LRRC8D: variants seen among roughly 807,000 people sequenced by gnomAD.
The protein encoded by LRRC8D is volume-regulated anion channel subunit LRRC8D.
In LRRC8D, 20 loss-of-function variants were observed where a neutral mutation model predicts 55.8. The ratio of observed to expected loss-of-function variants is 0.36; its 90% CI spans 0.25 to 0.52. LRRC8D has a LOEUF of 0.52. Ranked by LOEUF, LRRC8D falls within the 20% of genes least tolerant of loss-of-function variation. The pLI is 0.93. For missense variants in LRRC8D, 651 were observed against 1,030.8 expected (o/e 0.63, Z 5.05); for synonymous variants, 352 against 377.0 (o/e 0.93, Z 0.77).
At chr1:89,906,354 G>A (rs2816850) in intron 2 of LRRC8D, among the ~76,000 whole-genome samples, 1 of 152,120 alleles carries the variant, frequency 6.6e-6, no homozygotes, top group East Asian at 1.9e-4. Flanking sequence ...CTCGAGCATC[G>A]CTGTAGAGCC....
In LRRC8D at chr1:89,824,622, C is replaced by G. The variant is rs530893762; in HGVS notation, c.-148+3331C>G. On this transcript the variant is annotated intron_variant, in intron 1 of 2. Transcript: ENST00000337338. Reference sequence around the variant, plus strand: ...AATTTTTTTTTCCAATGATTTTCTTCTTTTGGAGCTGCCTACTCTCTTTGA... The same window carrying G: ...AATTTTTTTTTCCAATGATTTTCTTGTTTTGGAGCTGCCTACTCTCTTTGA... Among the ~76,000 whole-genome samples, 15 of 152,038 alleles carry G rather than the reference C, an allele frequency of 9.9e-5. No homozygotes were observed. The South Asian group carries it at 3.1e-3, about 32-fold the overall frequency.
intron 2 of LRRC8D, among the ~76,000 whole-genome samples, chr1:89,855,154 G>A (rs1057359069): frequency 6.6e-6 from 1 of 152,144 alleles, no homozygotes; most frequent in African/African-American, 2.4e-5. Flanking sequence ...AACAGTTGGA[G>A]AAGGATAAGT....
At chr1:89,830,424 C>CT (rs1195912936) in intron 1 of LRRC8D, among the ~76,000 whole-genome samples, 42 of 152,294 alleles carry the variant, frequency 2.8e-4, no homozygotes, top group Middle Eastern at 6.8e-3. Context: ...AATAGTTTCT[C>CT]TTTCACCTGT....
chr1:89,912,300 A>G (rs1663152263), intron 2 of LRRC8D, among the ~76,000 whole-genome samples: 1 of 152,130 alleles, frequency 6.6e-6, no homozygotes, highest in African/African-American at 2.4e-5. Context: ...AAAACCCTTC[A>G]GGGGTTCCTT....
intron 2 of LRRC8D, among the ~76,000 whole-genome samples, chr1:89,912,735 A>G (rs916786722): frequency 1.3e-5 from 2 of 152,232 alleles, no homozygotes; most frequent in Non-Finnish European, 2.9e-5. Context: ...ATAAATTACA[A>G]TATATTGTTC....
intron 2 of LRRC8D, among the ~76,000 whole-genome samples, chr1:89,890,187 C>CAATAAATA (rs142628723): frequency 9.9e-5 from 15 of 151,638 alleles, no homozygotes; most frequent in African/African-American, 3.6e-4. Context: ...GACTCTGTCT[C>CAATAAATA]AATAAATAAA....
intron 1 of LRRC8D, among the ~76,000 whole-genome samples, chr1:89,842,257 C>T (rs929312618): frequency 2.0e-5 from 3 of 150,012 alleles, no homozygotes; most frequent in African/African-American, 4.9e-5. Flanking sequence ...TGTAGGAATT[C>T]GCAGTGTAGG....
In LRRC8D at chr1:89,873,826, C is replaced by T. The variant is rs148417618; in HGVS notation, c.-3+30044C>T. 8.4e-3 allele frequency among the ~76,000 whole-genome samples: 1,284 copies of T among 152,212 alleles called. 15 individuals carry two copies. Among genetic ancestry groups the T allele is most frequent in the African/African-American group, 0.03 (1,246 of 41,532 alleles). ...CCATATCATAGCAAATTTAGAGTGC[C>T]GTTTGATAATGAACGACCTAGTAGG... On this transcript the variant is annotated intron_variant, in intron 2 of 2. Transcript: ENST00000337338.
intron 2 of LRRC8D, among the ~76,000 whole-genome samples, chr1:89,884,930 C>T (rs1662375132): frequency 6.6e-6 from 1 of 152,164 alleles, no homozygotes; most frequent in African/African-American, 2.4e-5. Context: ...CTTTCTACCT[C>T]AGTCCCACTG....
At chr1:89,932,965 C>T in intron 2 of LRRC8D, 102 bp from the exon 3 acceptor site, 2 of 939,926 alleles carry the variant, frequency 2.1e-6, no homozygotes, top group East Asian at 2.5e-5. Context: ...AAGATAGGAC[C>T]TGAATGAGAA....
At chr1:89,849,367 C>T (rs1307408352) in intron 2 of LRRC8D, among the ~76,000 whole-genome samples, 3 of 151,982 alleles carry the variant, frequency 2.0e-5, no homozygotes, top group African/African-American at 4.8e-5. Context: ...TTTCTTGAGG[C>T]GATATTGACC....
intron 2 of LRRC8D, among the ~76,000 whole-genome samples, chr1:89,918,841 A>G (rs888181248): frequency 1.3e-5 from 2 of 152,190 alleles, no homozygotes; most frequent in Non-Finnish European, 2.9e-5. Context: ...ACTTTGGTAT[A>G]ATTAATAGTG....
intron 1 of LRRC8D, among the ~76,000 whole-genome samples, chr1:89,824,863 G>C (rs1452825436): frequency 6.6e-6 from 1 of 152,112 alleles, no homozygotes; most frequent in Non-Finnish European, 1.5e-5. Context: ...TGAGACCTAA[G>C]CATAAATGTC....
chr1:89,933,941 G>A lies in LRRC8D; in HGVS notation c.873G>A (p.Val291=). 6.2e-7 allele frequency: 1 copy of A among 1,614,134 alleles called. No homozygotes were observed. The highest frequency in any genetic ancestry group is 8.5e-7 in the Non-Finnish European group (1 of 1,179,986). The change falls in exon 3 of 3, where the codon GTG becomes GTA. Residue 291 remains valine (V), a synonymous_variant. Transcript: ENST00000337338. The surrounding 1 kb of genome is among the most constrained non-coding windows in gnomAD (Gnocchi z 7.0). ...GEQAKALFEK[V]RKFRAHVEDS... ...AGGCCAAAGCCCTGTTTGAGAAAGT[G>A]AGGAAGTTCCGTGCCCATGTGGAAG...
intron 2 of LRRC8D, among the ~76,000 whole-genome samples, chr1:89,907,677 T>G (rs1253233696): frequency 3.3e-5 from 5 of 152,344 alleles, no homozygotes; most frequent in African/African-American, 9.6e-5. Context: ...GAGGAATTAT[T>G]TCATGAGTCC....
At chr1:89,860,809 T>TATACAC (rs970678615) in intron 2 of LRRC8D, among the ~76,000 whole-genome samples, 8 of 105,554 alleles carry the variant, frequency 7.6e-5, no homozygotes, top group African/African-American at 3.0e-4. Flanking sequence ...TATATATATA[T>TATACAC]ACACACACAG....
At chr1:89,888,876 C>T (rs1000918008) in intron 2 of LRRC8D, among the ~76,000 whole-genome samples, 1 of 152,156 alleles carries the variant, frequency 6.6e-6, no homozygotes, top group African/African-American at 2.4e-5. Flanking sequence ...TGTACCCATC[C>T]TGATATAAAT....
chr1:89,933,869 G>A lies in LRRC8D; in HGVS notation c.801G>A (p.Val267=). 2 of 1,613,802 alleles carry A rather than the reference G, an allele frequency of 1.2e-6. No individual in the cohort carries two copies. Among genetic ancestry groups the A allele is most frequent in the Non-Finnish European group, 1.7e-6 (2 of 1,179,820 alleles). ...TTAAATTTTCAGCTGAGAAGCCTGT[G>A]ATTGAAGTTCCCAGCATGACAATCC... is the stretch of plus-strand genomic sequence containing the variant. ...TGFKFSAEKP[V]IEVPSMTILD... is the part of the protein sequence containing the mutation. Residue 267 remains valine, a synonymous_variant, in exon 3 of 3, where the codon GTG becomes GTA. Transcript: ENST00000337338. The surrounding 1 kb of genome is among the most constrained non-coding windows in gnomAD (Gnocchi z 7.0).
Position 89,843,654 on chromosome 1 carries a change from T to C in LRRC8D, c.-131T>C, listed in dbSNP as rs1661195313. The stretch of plus-strand genomic sequence containing the variant: ...TTCAAACAGGAAGTGCACGGCTGTC[T>C]ATAACGTGCTGCCGGGTCTCAGGAT... On this transcript the variant is annotated 5_prime_UTR_variant, in exon 2 of 3. Transcript: ENST00000337338. 1.4e-6 allele frequency: 1 copy of C among 702,334 alleles called. No individual in the cohort carries two copies. 43.5% of individuals were successfully genotyped at this position (702,334 alleles called of 1,614,324 possible). A position where few individuals can be genotyped will look rare whatever the true frequency, so the allele number is the denominator to read the frequency against.
Sources: gnomAD v4.1 joint callset for allele counts (sites outside exome capture counted in the v4.1 genomes callset) on GRCh38, gnomAD v4.1.1 for gene constraint, Gnocchi (gnomAD v3.1) non-coding constraint, MANE v1.5 for transcripts, NCBI Gene and HGNC (gene_info 2026-07-23, HGNC 2026-07-21) for gene names.